The following NUMA1 variants were observed in gnomAD, a reference collection of about 807,000 sequenced individuals.
The protein encoded by NUMA1 is SP-H antigen.
A neutral mutation model predicts 237.1 loss-of-function variants in NUMA1; 62 were observed. That is an observed-to-expected ratio of 0.26 (90% CI 0.21 to 0.32). NUMA1 has a LOEUF of 0.32. NUMA1 is among the 10% of genes least tolerant of loss of function. The pLI is 1.00. For synonymous variants in NUMA1, 1,028 were observed against 1,066.1 expected (o/e 0.96, Z 0.70); for missense variants, 2,533 against 2,666.5 (o/e 0.95, Z 1.10).
intron 2 of NUMA1, among the ~76,000 whole-genome samples, chr11:72,059,513 C>T (rs1942833183): frequency 6.6e-6 from 1 of 152,206 alleles, no homozygotes; most frequent in Non-Finnish European, 1.5e-5. Flanking sequence ...AAACAATCCG[C>T]CCACCTTGTC....
rs1318726956 is a variant in NUMA1, at chr11:72,003,223, C to G, written c.*304G>C. 1 of 465,992 alleles carries G rather than the reference C, an allele frequency of 2.1e-6. No homozygotes were observed. The highest frequency in any genetic ancestry group is 3.9e-6 in the Non-Finnish European group (1 of 254,964). The allele number at this position is 465,992 out of a possible 1,614,324, so 28.9% of individuals were successfully genotyped here. On this transcript the variant is annotated 3_prime_UTR_variant, in exon 27 of 27. Coordinates refer to ENST00000393695, the MANE Select transcript of NUMA1 (RefSeq NM_006185.4). ...GGAAGACTGGCCAGGCCCAAGGACC[C>G]AGCCATCAAAACCAGCCTCAAATCT...
At chr11:72,016,598 A>C (rs1937802627) in intron 13 of NUMA1, 68 bp from the exon 14 acceptor site, 3 of 1,558,528 alleles carry the variant, frequency 1.9e-6, no homozygotes, top group Non-Finnish European at 2.6e-6. Context: ...ACAAGCCCTC[A>C]TAAACATCAG....
intron 2 of NUMA1, 32 bp from the exon 3 acceptor site, chr11:72,036,007 A>T: frequency 3.4e-6 from 5 of 1,485,538 alleles, no homozygotes; most frequent in Non-Finnish European, 4.7e-6. Context: ...AAAGCAGTTA[A>T]TCATATCAGA....
intron 13 of NUMA1, 137 bp from the exon 14 acceptor site, chr11:72,016,667 A>G: frequency 8.9e-7 from 1 of 1,119,010 alleles, no homozygotes; most frequent in Non-Finnish European, 1.3e-6. Flanking sequence ...CCTAGAAAAA[A>G]GCAGAAACCA....
intron 1 of NUMA1, among the ~76,000 whole-genome samples, chr11:72,077,823 AAAAAAAC>A (rs1224700843): frequency 2.6e-5 from 4 of 151,324 alleles, no homozygotes; most frequent in East Asian, 1.9e-4. Flanking sequence ...CAAAAAAAAA[AAAAAAAC>A]AAAAAACTGA....
intron 4 of NUMA1, among the ~76,000 whole-genome samples, chr11:72,027,466 T>C (rs955443006): frequency 4.0e-5 from 6 of 151,572 alleles, no homozygotes; most frequent in African/African-American, 7.3e-5. Context: ...TATCAGTATA[T>C]AGGCAACAAG....
chr11:72,037,769 T>C (rs939309319), intron 2 of NUMA1, among the ~76,000 whole-genome samples: 9 of 152,212 alleles, frequency 5.9e-5, no homozygotes, highest in African/African-American at 2.2e-4. Context: ...CCAATTCACC[T>C]GGGCTTTGGC....
At chr11:72,021,523 C>T (rs965007532) in intron 7 of NUMA1, among the ~76,000 whole-genome samples, 2 of 152,214 alleles carry the variant, frequency 1.3e-5, no homozygotes, top group Admixed American at 6.5e-5. Flanking sequence ...CAAGATGTAC[C>T]GAAGTCAGAG....
At position 72,017,749 on chromosome 11, in the gene NUMA1, G is replaced by C; in HGVS notation, c.1057C>G (p.Gln353Glu). The change falls in exon 13 of 27, where the codon CAG becomes GAG. Residue 353 changes from glutamine to glutamate, a missense_variant. Around this residue, in one of 3 missense-constraint regions of NUMA1, gnomAD observed 1,414 missense variants for 1,508.1 expected, o/e 0.94. Coordinates refer to ENST00000393695, the MANE Select transcript of NUMA1 (RefSeq NM_006185.4). ...ELTEEHSKAT[Q>E]EWLEKQAQLE... ...TGGGCCTGCTTCTCTAGCCACTCCT[G>C]AGTGGCCTTGCTGTGCTCCTCCGTC... is the stretch of plus-strand genomic sequence containing the variant. The C allele has an allele frequency of 6.2e-7, 1 of 1,613,438 alleles. No individual in the cohort carries two copies. Among genetic ancestry groups the C allele is most frequent in the African/African-American group, 1.3e-5 (1 of 75,040 alleles).
chr11:72,030,344 A>G (rs535724745), intron 3 of NUMA1, among the ~76,000 whole-genome samples: 5 of 152,074 alleles, frequency 3.3e-5, no homozygotes, highest in Admixed American at 2.6e-4. Context: ...TCCAAAGGAA[A>G]AAAAAAAAGA....
intron 21 of NUMA1, 137 bp from the exon 22 acceptor site, chr11:72,006,400 T>G (rs373225778): frequency 1.5e-6 from 1 of 685,382 alleles, no homozygotes; most frequent in Admixed American, 2.9e-5. Context: ...TTAAAGTGTG[T>G]GTCTGCAAGA....
intron 1 of NUMA1, among the ~76,000 whole-genome samples, chr11:72,074,150 C>T (rs950266165): frequency 2.7e-5 from 4 of 150,132 alleles, no homozygotes; most frequent in Non-Finnish European, 5.9e-5. Flanking sequence ...GCCAAGATCA[C>T]GCCATTGCAC....
At chr11:72,049,845 T>C (rs1291801864) in intron 2 of NUMA1, among the ~76,000 whole-genome samples, 2 of 150,960 alleles carry the variant, frequency 1.3e-5, no homozygotes, top group Admixed American at 6.6e-5. Flanking sequence ...ATAAAGTACC[T>C]TTCCACTTCC....
Position 72,023,126 on chromosome 11 carries a change from G to C in NUMA1, c.230C>G (p.Ser77Cys), listed in dbSNP as rs750607567. 11 of 1,613,672 alleles carry C rather than the reference G, an allele frequency of 6.8e-6. No individual in the cohort carries two copies. In the South Asian group the frequency reaches 1.2e-4, roughly 18 times the overall value. Residue 77 changes from serine (S) to cysteine (C), a missense_variant, in exon 6 of 27, where the codon TCC (serine) becomes TGC (cysteine). Ser to Cys is a moderately radical substitution (Grantham distance 112). Coordinates refer to ENST00000393695, the MANE Select transcript of NUMA1 (RefSeq NM_006185.4). Reference protein sequence around the residue: ...FLQKNRKHPSSPECLVSAQKV... With the variant: ...FLQKNRKHPSCPECLVSAQKV... ...CTGTGCAGATACCAGGCATTCTGGGGAAGAGGGATGTTTTCGATTTTCTGC... is the reference window on the plus strand; with the variant it reads ...CTGTGCAGATACCAGGCATTCTGGGCAAGAGGGATGTTTTCGATTTTCTGC...
intron 5 of NUMA1, 31 bp downstream of exon 5, chr11:72,024,243 T>G (rs1203162677): frequency 6.2e-7 from 1 of 1,606,414 alleles, no homozygotes; most frequent in Non-Finnish European, 8.5e-7. Flanking sequence ...AGGAAGCAGC[T>G]TCTTCATAGC....
In NUMA1 at chr11:72,005,222, C is replaced by T. The variant is rs781702338; in HGVS notation, c.5829+11G>A. The T allele has an allele frequency of 1.3e-5, 21 of 1,588,444 alleles. No homozygotes were observed. The Admixed American group carries it at 3.6e-4, about 28-fold the overall frequency. On this transcript the variant is annotated intron_variant, in intron 23 of 26. Coordinates refer to ENST00000393695, the MANE Select transcript of NUMA1 (RefSeq NM_006185.4). Reference sequence around the variant, plus strand: ...GGATGGGAGGCCCTGCACAGTGACCCCAGGCCTCACCCTGGACTCCAGGGG... The same window carrying T: ...GGATGGGAGGCCCTGCACAGTGACCTCAGGCCTCACCCTGGACTCCAGGGG...
intron 21 of NUMA1, 77 bp from the exon 22 acceptor site, chr11:72,006,340 C>A: frequency 7.9e-7 from 1 of 1,263,778 alleles, no homozygotes; most frequent in Non-Finnish European, 1.1e-6. Context: ...TTCCGAAGCC[C>A]TCAGATCCCA....
intron 2 of NUMA1, among the ~76,000 whole-genome samples, chr11:72,044,067 C>A (rs1941854582): frequency 6.6e-6 from 1 of 152,158 alleles, no homozygotes; most frequent in Non-Finnish European, 1.5e-5. Flanking sequence ...ATCTTAAAAA[C>A]TCCCTTAATG....
chr11:72,020,951 A>T (rs1481436473), intron 8 of NUMA1: 2 of 407,406 alleles, frequency 4.9e-6, no homozygotes, highest in Non-Finnish European at 8.7e-6. Flanking sequence ...AAAAATAAAA[A>T]ACAAAAGTAG....
Sources: allele counts gnomAD v4.1 joint callset (sites outside exome capture counted in the v4.1 genomes callset), GRCh38; gene constraint gnomAD v4.1.1; regional missense constraint gnomAD v4.1.1; transcripts MANE v1.5; gene names NCBI Gene and HGNC (gene_info 2026-07-23, HGNC 2026-07-21).